CAVIN4: variants seen among roughly 807,000 people sequenced by gnomAD.
The protein encoded by CAVIN4 is caveolae-associated protein 4.
Under a neutral mutation model 18.6 loss-of-function variants are expected in CAVIN4, and 10 were observed. The observed-to-expected ratio is 0.54, with a 90% CI of 0.33 to 0.91. CAVIN4 has a LOEUF of 0.91. CAVIN4 is among the 40% of genes least tolerant of loss of function. CAVIN4 has a pLI of 0.02. For missense variants in CAVIN4, 459 were observed against 440.5 expected, an observed-to-expected ratio of 1.04 and a Z score of -0.38; for synonymous variants, 173 against 164.8, an observed-to-expected ratio of 1.05 and a Z score of -0.38.
chr9:100,578,269 C>T lies in CAVIN4; in HGVS notation c.126C>T (p.Ser42=), dbSNP rs1247304731. Reference sequence around the variant, plus strand: ...TGACTGTGCTGGACAAAGTAGCCTCCATCGTGGACAGTGTGCAGGCAAGCC... The same window carrying T: ...TGACTGTGCTGGACAAAGTAGCCTCTATCGTGGACAGTGTGCAGGCAAGCC... The part of the protein sequence containing the change: ...TIVTVLDKVA[S]IVDSVQASQK... The change falls in exon 1 of 2, where the codon TCC becomes TCT. Residue 42 remains serine, a synonymous_variant. Transcript: ENST00000307584. The T allele has an allele frequency of 6.2e-7, 1 of 1,613,906 alleles. No homozygotes were observed. Among genetic ancestry groups the T allele is most frequent in the Non-Finnish European group, 8.5e-7 (1 of 1,179,974 alleles).
In CAVIN4 at chr9:100,585,752, T is replaced by C; in HGVS notation, c.409-13T>C. 5 of 1,611,094 alleles carry C rather than the reference T, an allele frequency of 3.1e-6. No individual in the cohort carries two copies. Among genetic ancestry groups the C allele is most frequent in the Non-Finnish European group, 4.2e-6 (5 of 1,177,510 alleles). On this transcript the variant is annotated splice_polypyrimidine_tract_variant and intron_variant, in intron 1 of 1. Transcript: ENST00000307584. ...AGGAAGCACTAATATGCTTTGTTTT[T>C]TCTCTCCTTCAGGAGAAGTTTCGGT...
Position 100,578,475 on chromosome 9 carries a change from A to C in CAVIN4, c.332A>C (p.Gln111Pro), listed in dbSNP as rs1839393400. ...KDVKARVEKQ[Q>P]IHVKKVEVKQ... ...GTGAAAGCCCGGGTGGAGAAGCAAC[A>C]AATTCATGTTAAAAAAGTTGAAGTC... The change falls in exon 1 of 2, where the codon CAA becomes CCA. Residue 111 changes from glutamine to proline, a missense_variant. By Grantham distance (76) the Gln-to-Pro change is moderately conservative. Transcript: ENST00000307584. 1 of 1,613,912 alleles carries C rather than the reference A, an allele frequency of 6.2e-7. No individual in the cohort carries two copies. Among genetic ancestry groups the C allele is most frequent in the South Asian group, 1.1e-5 (1 of 91,086 alleles).
chr9:100,587,989 A>C lies in CAVIN4; in HGVS notation c.*1538A>C, dbSNP rs1839502084. On this transcript the variant is annotated 3_prime_UTR_variant, in exon 2 of 2. Transcript: ENST00000307584. ...GTGTTGTAATAGAGAAGAAATGATGAAATTGTTGAATTTGAAGAGTTGGGA... is the reference window on the plus strand; with the variant it reads ...GTGTTGTAATAGAGAAGAAATGATGCAATTGTTGAATTTGAAGAGTTGGGA... The C allele has an allele frequency of 6.6e-6, 1 of 152,220 alleles. No homozygotes were observed. The highest frequency in any genetic ancestry group is 6.5e-5 in the Admixed American group (1 of 15,288). The allele number at this position is 152,220 out of a possible 1,614,324, so 9.4% of individuals were successfully genotyped here.
Sources: gnomAD v4.1 joint callset for allele counts on GRCh38, gnomAD v4.1.1 for gene constraint, MANE v1.5 for transcripts, NCBI Gene and HGNC (gene_info 2026-07-23, HGNC 2026-07-21) for gene names.